The following SQOR variants were observed in gnomAD, a reference collection of about 807,000 sequenced individuals.
The protein encoded by SQOR is sulfide quinone oxidoreductase, also known as sulfide:quinone oxidoreductase, mitochondrial.
In SQOR, 39 loss-of-function variants were observed where a neutral mutation model predicts 48.6. That is an observed-to-expected ratio of 0.80 (90% confidence interval 0.62 to 1.05). SQOR has a LOEUF of 1.05. Ranked by LOEUF, SQOR falls within the 50% of genes least tolerant of loss-of-function variation. The pLI is 0.00. For missense variants in SQOR, 561 were observed against 559.9 expected (o/e 1.00, Z -0.02); for synonymous variants, 220 against 206.2 (o/e 1.07, Z -0.57).
At chr15:45,644,199 T>C (rs1454039818) in intron 1 of SQOR, among the ~76,000 whole-genome samples, 1 of 152,138 alleles carries the variant, frequency 6.6e-6, no homozygotes, top group Non-Finnish European at 1.5e-5. Context: ...GCGTTTCTCC[T>C]GCCTCAGCCT....
chr15:45,646,205 G>T (rs1895202687), intron 1 of SQOR, among the ~76,000 whole-genome samples: 1 of 152,234 alleles, frequency 6.6e-6, no homozygotes, highest in South Asian at 2.1e-4. Flanking sequence ...ACCCAGAGAT[G>T]CAGGACTCTT....
intron 6 of SQOR, among the ~76,000 whole-genome samples, chr15:45,677,713 A>T (rs967371175): frequency 1.3e-5 from 2 of 151,882 alleles, no homozygotes; most frequent in East Asian, 3.9e-4. Context: ...TTATTTATTT[A>T]TTTTTGAGAC....
At chr15:45,640,019 T>G (rs1254204440) in intron 1 of SQOR, among the ~76,000 whole-genome samples, 1 of 152,216 alleles carries the variant, frequency 6.6e-6, no homozygotes, top group Non-Finnish European at 1.5e-5. Context: ...AATTCCCACC[T>G]CTCTGGTTTT....
At chr15:45,669,825 C>T in intron 3 of SQOR, 103 bp from the exon 4 acceptor site, 1 of 943,834 alleles carries the variant, frequency 1.1e-6, no homozygotes, top group East Asian at 2.4e-5. Flanking sequence ...TAATATTTCC[C>T]TGCCTCCCTT....
intron 1 of SQOR, among the ~76,000 whole-genome samples, chr15:45,642,821 C>A (rs1895128428): frequency 1.3e-5 from 2 of 152,040 alleles, no homozygotes; most frequent in African/African-American, 4.8e-5. Context: ...TTTCCCACGT[C>A]TTCCGAAATT....
chr15:45,649,628 T>C (rs570249929), intron 1 of SQOR, among the ~76,000 whole-genome samples: 1 of 151,932 alleles, frequency 6.6e-6, no homozygotes, highest in African/African-American at 2.4e-5. Context: ...TACAGGCACC[T>C]GCCTCCATGC....
chr15:45,632,509 C>T (rs773249523), upstream of SQOR, among the ~76,000 whole-genome samples: 38 of 152,030 alleles, frequency 2.5e-4, no homozygotes, highest in Non-Finnish European at 4.4e-4. Flanking sequence ...CACGAGCCAC[C>T]GCACCCAGCC....
chr15:45,648,210 CCACCGT>C (rs545050523), intron 1 of SQOR, among the ~76,000 whole-genome samples: 2 of 151,640 alleles, frequency 1.3e-5, no homozygotes, highest in Non-Finnish European at 2.9e-5. Context: ...GAATCTTGCG[CCACCGT>C]CACCAGGCTG....
intron 1 of SQOR, among the ~76,000 whole-genome samples, chr15:45,641,451 C>G (rs1183171842): frequency 2.0e-5 from 3 of 152,190 alleles, no homozygotes; most frequent in Admixed American, 2.0e-4. Context: ...TCCTATTTCC[C>G]CAGTGACTCA....
chr15:45,655,274 C>T (rs927964861), intron 1 of SQOR, among the ~76,000 whole-genome samples: 5 of 152,176 alleles, frequency 3.3e-5, no homozygotes, highest in African/African-American at 9.7e-5. Context: ...CCCCATGGGG[C>T]GCTTCCTATG....
At chr15:45,675,511 C>T (rs1890021111) in intron 5 of SQOR, among the ~76,000 whole-genome samples, 1 of 151,996 alleles carries the variant, frequency 6.6e-6, no homozygotes, top group South Asian at 2.1e-4. Flanking sequence ...TCTCCTGCCT[C>T]AGCCTCCTGA....
chr15:45,655,862 A>AT (rs1206804881), intron 1 of SQOR, among the ~76,000 whole-genome samples: 121 of 150,948 alleles, frequency 8.0e-4, no homozygotes, highest in Admixed American at 1.9e-3. Flanking sequence ...TTTTTTTTGT[A>AT]TTTTAGTAGA....
rs577039479 is a variant in SQOR, at chr15:45,651,845, ATTC to A, written c.-17-7048_-17-7046del. Among the ~76,000 whole-genome samples, 47 of 151,528 alleles carry A rather than the reference ATTC, an allele frequency of 3.1e-4. No individual in the cohort carries two copies. The South Asian group carries it at 3.3e-3, about 11-fold the overall frequency. On this transcript the variant is annotated intron_variant, in intron 1 of 9. Transcript: ENST00000260324. ...CATTCTCCTGTATCATTGGTAGTTA[ATTC>A]TTCTTCTTCTTCTCCTTCTCCTCCT...
chr15:45,652,981 A>G (rs1050657780), intron 1 of SQOR, among the ~76,000 whole-genome samples: 1 of 151,904 alleles, frequency 6.6e-6, no homozygotes, highest in African/African-American at 2.4e-5. Flanking sequence ...AAAAAGAAAG[A>G]TTGTGTGGCT....
intron 5 of SQOR, among the ~76,000 whole-genome samples, chr15:45,674,313 G>A (rs1203761561): frequency 6.6e-6 from 1 of 152,150 alleles, no homozygotes; most frequent in African/African-American, 2.4e-5. Context: ...GGTGGTGCAT[G>A]CCTGTAATTC....
intron 7 of SQOR, among the ~76,000 whole-genome samples, chr15:45,685,041 A>T (rs1890197018): frequency 6.6e-6 from 1 of 152,222 alleles, no homozygotes; most frequent in Admixed American, 6.5e-5. Flanking sequence ...AAACAGTACC[A>T]TAATGAGTGC....
chr15:45,669,834 T>C, intron 3 of SQOR, 94 bp from the exon 4 acceptor site: 1 of 1,061,410 alleles, frequency 9.4e-7, no homozygotes, highest in Non-Finnish European at 1.5e-6. Flanking sequence ...CCTGCCTCCC[T>C]TAGACCACAT....
intron 1 of SQOR, among the ~76,000 whole-genome samples, chr15:45,650,243 C>T (rs1401018390): frequency 6.6e-6 from 1 of 152,156 alleles, no homozygotes; most frequent in Non-Finnish European, 1.5e-5. Context: ...GGGCTGAAAC[C>T]GTCCTCCTAC....
intron 5 of SQOR, 83 bp from the exon 6 acceptor site, chr15:45,676,018 G>C: frequency 7.3e-7 from 1 of 1,360,744 alleles, no homozygotes; most frequent in East Asian, 2.3e-5. Flanking sequence ...CCCTGCTGAG[G>C]GTTTTAATTC....
Sources: gnomAD v4.1 joint callset for allele counts (sites outside exome capture counted in the v4.1 genomes callset) on GRCh38, gnomAD v4.1.1 for gene constraint, MANE v1.5 for transcripts, NCBI Gene and HGNC (gene_info 2026-07-23, HGNC 2026-07-21) for gene names.